NRG1: variants seen among roughly 807,000 people sequenced by gnomAD.
The protein encoded by NRG1 is neuregulin 1, also known as pro-neuregulin-1, membrane-bound isoform.
In NRG1, 18 loss-of-function variants were observed where a neutral mutation model predicts 63.8. That is an observed-to-expected ratio of 0.28 (90% CI 0.19 to 0.42). The LOEUF is 0.42. Ranked by LOEUF, NRG1 falls within the 10% of genes least tolerant of loss-of-function variation. The pLI is 1.00. For missense variants in NRG1, 762 were observed against 814.7 expected (o/e 0.94, Z 0.79); for synonymous variants, 302 against 301.3 (o/e 1.00, Z -0.02).
intron 1 of NRG1, among the ~76,000 whole-genome samples, chr8:32,399,439 A>G (rs1417325098): frequency 2.0e-5 from 3 of 152,222 alleles, no homozygotes; most frequent in Non-Finnish European, 2.9e-5. Context: ...CACGCCTGTA[A>G]TCCTAGGACT....
At chr8:32,722,456 C>G (rs1245036042) in intron 5 of NRG1, among the ~76,000 whole-genome samples, 1 of 152,080 alleles carries the variant, frequency 6.6e-6, no homozygotes, top group Non-Finnish European at 1.5e-5. Flanking sequence ...AAGAAAAAAA[C>G]CTAGCCTTCT....
At chr8:32,158,502 CAGATCACAA>C (rs1255168471) in intron 1 of NRG1, among the ~76,000 whole-genome samples, 2 of 94,998 alleles carry the variant, frequency 2.1e-5, no homozygotes, top group Admixed American at 3.2e-4. Context: ...TACCTCAAAA[CAGATCACAA>C]AGCTGAGGTC....
At chr8:32,700,672 G>A (rs1814625705) in intron 5 of NRG1, among the ~76,000 whole-genome samples, 1 of 152,150 alleles carries the variant, frequency 6.6e-6, no homozygotes, top group Admixed American at 6.5e-5. Flanking sequence ...TCTATGAATA[G>A]AAGGACTTGA....
intron 1 of NRG1, among the ~76,000 whole-genome samples, chr8:32,226,438 C>G (rs1465235905): frequency 1.3e-5 from 2 of 152,102 alleles, no homozygotes; most frequent in African/African-American, 4.8e-5. Flanking sequence ...TTTGTACCTA[C>G]TTTATTTCAA....
chr8:32,614,642 A>G (rs982586905), intron 4 of NRG1, 78 bp downstream of exon 4: 7 of 1,338,794 alleles, frequency 5.2e-6, no homozygotes, highest in Non-Finnish European at 7.5e-6. Context: ...TACTAATCAG[A>G]ACCCCTTCTG....
At chr8:31,836,823 G>C (rs1170211590) in intron 1 of NRG1, among the ~76,000 whole-genome samples, 2 of 152,032 alleles carry the variant, frequency 1.3e-5, no homozygotes, top group Non-Finnish European at 2.9e-5. Flanking sequence ...AGGTCAAATA[G>C]TATATACACA....
At chr8:31,796,412 A>ATTTT (rs1273292685) in intron 1 of NRG1, among the ~76,000 whole-genome samples, 20 of 92,644 alleles carry the variant, frequency 2.2e-4, no homozygotes, top group Non-Finnish European at 3.1e-4. Flanking sequence ...ATGGCGTATA[A>ATTTT]TCTTTTTTTT....
chr8:32,624,612 CTG>C (rs1241684558), intron 5 of NRG1, among the ~76,000 whole-genome samples: 6 of 152,222 alleles, frequency 3.9e-5, no homozygotes, highest in African/African-American at 1.4e-4. Context: ...AGCTGGAAAA[CTG>C]AATATAATTG....
At chr8:32,121,018 G>A (rs1342776238) in intron 1 of NRG1, among the ~76,000 whole-genome samples, 1 of 151,944 alleles carries the variant, frequency 6.6e-6, no homozygotes, top group Non-Finnish European at 1.5e-5. Flanking sequence ...GCAGATGCTG[G>A]TCAATTAGTT....
chr8:32,153,193 G>A (rs951530465), intron 1 of NRG1, among the ~76,000 whole-genome samples: 2 of 152,106 alleles, frequency 1.3e-5, no homozygotes, highest in Admixed American at 6.5e-5. Context: ...GCAGAAGGCC[G>A]GTGGGAGTAG....
intron 1 of NRG1, among the ~76,000 whole-genome samples, chr8:31,971,110 C>A (rs1274489147): frequency 6.6e-6 from 1 of 150,942 alleles, no homozygotes; most frequent in Non-Finnish European, 1.5e-5. Context: ...AAATATGTTG[C>A]TTTTTTTTTT....
chr8:32,413,585 A>G (rs750031533), intron 1 of NRG1, among the ~76,000 whole-genome samples: 9 of 152,208 alleles, frequency 5.9e-5, no homozygotes, highest in Non-Finnish European at 1.0e-4. Context: ...TGTTTTTAAA[A>G]GTGAAATCTG....
intron 1 of NRG1, among the ~76,000 whole-genome samples, chr8:31,990,947 C>T (rs1469986115): frequency 6.6e-6 from 1 of 152,078 alleles, no homozygotes; most frequent in Non-Finnish European, 1.5e-5. Context: ...GTATGAAACT[C>T]ATTTCAACTG....
intron 1 of NRG1, among the ~76,000 whole-genome samples, chr8:32,228,408 G>C (rs915867384): frequency 2.0e-5 from 3 of 152,064 alleles, no homozygotes; most frequent in Non-Finnish European, 4.4e-5. Context: ...AACTTCTAAA[G>C]CCTTTTATGT....
At chr8:32,592,748 A>AG (rs528259587) in intron 1 of NRG1, among the ~76,000 whole-genome samples, 5 of 152,098 alleles carry the variant, frequency 3.3e-5, no homozygotes, top group Non-Finnish European at 5.9e-5. Context: ...TGGAGTGGTA[A>AG]GGGGGGAAAC....
intron 1 of NRG1, among the ~76,000 whole-genome samples, chr8:31,933,618 CAGAG>C (rs765217139): frequency 6.6e-6 from 1 of 152,108 alleles, no homozygotes; most frequent in African/African-American, 2.4e-5. Context: ...AACTGAGACA[CAGAG>C]AGAGAATATA....
intron 1 of NRG1, among the ~76,000 whole-genome samples, chr8:32,046,265 A>C (rs1820979161): frequency 6.6e-6 from 1 of 152,038 alleles, no homozygotes; most frequent in African/African-American, 2.4e-5. Flanking sequence ...GATAATTATA[A>C]AAAGAAAACA....
chr8:31,918,942 T>A (rs4733104), intron 1 of NRG1, among the ~76,000 whole-genome samples: 38,923 of 151,886 alleles, frequency 0.26, 5,963 homozygotes, highest in East Asian at 0.69. Context: ...AGAGTGTATG[T>A]GTCGAGGAAT....
At chr8:31,798,476 C>A (rs560634192) in intron 1 of NRG1, among the ~76,000 whole-genome samples, 2 of 152,272 alleles carry the variant, frequency 1.3e-5, no homozygotes, top group Admixed American at 6.5e-5. Flanking sequence ...TGACTAATAT[C>A]TTTGCCTTTG....
Sources: gnomAD v4.1 joint callset for allele counts (sites outside exome capture counted in the v4.1 genomes callset) on GRCh38, gnomAD v4.1.1 for gene constraint, MANE v1.5 for transcripts, NCBI Gene and HGNC (gene_info 2026-07-23, HGNC 2026-07-21) for gene names.